SHC4: variants seen among roughly 807,000 people sequenced by gnomAD.
The protein encoded by SHC4 is SHC adaptor protein 4.
In SHC4, 41 loss-of-function variants were observed where a neutral mutation model predicts 69.4. The observed-to-expected ratio is 0.59, with a 90% CI of 0.46 to 0.77. SHC4 has a LOEUF of 0.77. SHC4 is among the 30% of genes least tolerant of loss of function. The pLI, the probability that SHC4 is intolerant of heterozygous loss-of-function variation, is 0.00. For synonymous variants in SHC4, 318 were observed against 299.3 expected (o/e 1.06, Z -0.64); for missense variants, 777 against 783.8 (o/e 0.99, Z 0.10).
chr15:48,918,566 AT>A (rs775214974), intron 2 of SHC4, among the ~76,000 whole-genome samples: 3 of 128,784 alleles, frequency 2.3e-5, no homozygotes, highest in Non-Finnish European at 5.5e-5. Context: ...AATCGTTTCC[AT>A]TTTTTCTTTA....
intron 4 of SHC4, chr15:48,878,335 G>T: frequency 6.2e-7 from 1 of 1,613,642 alleles, no homozygotes; most frequent in Non-Finnish European, 8.5e-7. Context: ...AACAGCTCGA[G>T]GAGGAAGGCC....
intron 1 of SHC4, among the ~76,000 whole-genome samples, chr15:48,957,364 C>G (rs557820475): frequency 6.6e-6 from 1 of 152,310 alleles, no homozygotes; most frequent in Admixed American, 6.5e-5. Context: ...AGAGCCGTTA[C>G]TTCAATGCAC....
intron 4 of SHC4, among the ~76,000 whole-genome samples, chr15:48,875,953 G>C (rs1450958404): frequency 1.3e-5 from 2 of 152,212 alleles, no homozygotes; most frequent in Non-Finnish European, 1.5e-5. Flanking sequence ...GTGCAGCTCT[G>C]TGAGGAGATG....
At chr15:48,826,943 T>A (rs897039878) in intron 11 of SHC4, among the ~76,000 whole-genome samples, 1 of 152,232 alleles carries the variant, frequency 6.6e-6, no homozygotes, top group Non-Finnish European at 1.5e-5. Flanking sequence ...ATTTGTTGCA[T>A]GGAACTTACT....
chr15:48,828,171 CTT>C (rs1299090867), intron 11 of SHC4, among the ~76,000 whole-genome samples: 2 of 151,462 alleles, frequency 1.3e-5, no homozygotes, highest in Non-Finnish European at 2.9e-5. Context: ...GTACTATACA[CTT>C]AACAGATTTT....
At chr15:48,845,687 C>A (rs532158559) in intron 9 of SHC4, among the ~76,000 whole-genome samples, 1 of 152,086 alleles carries the variant, frequency 6.6e-6, no homozygotes, top group Non-Finnish European at 1.5e-5. Flanking sequence ...TTCAAATTAT[C>A]AGGAATTAAG....
chr15:48,962,755 G>T lies in SHC4; in HGVS notation c.261C>A (p.Ile87=), dbSNP rs770586953. The T allele has an allele frequency of 1.9e-6, 3 of 1,613,176 alleles. No homozygotes were observed. The highest frequency in any genetic ancestry group is 1.1e-5 in the South Asian group (1 of 91,078). ...CCAGCTTCATGCTTGCCATGCGGGG[G>T]ATCAAGGTGCACAGTGGGGTGGGGC... is the stretch of plus-strand genomic sequence containing the variant. ...QESPTPLCTL[I]PRMASMKLAN... is the part of the protein sequence containing the mutation. Residue 87 remains isoleucine, a synonymous_variant, in exon 1 of 12, where the codon ATC becomes ATA. Transcript: ENST00000332408.
intron 9 of SHC4, 30 bp from the exon 10 acceptor site, chr15:48,843,618 A>T (rs373616060): frequency 3.8e-6 from 6 of 1,568,280 alleles, no homozygotes; most frequent in East Asian, 2.3e-5. Flanking sequence ...TCAATACATT[A>T]TGTTTTTTCT....
At chr15:48,878,182 G>A in intron 4 of SHC4, 7 of 1,552,890 alleles carry the variant, frequency 4.5e-6, no homozygotes, top group Non-Finnish European at 6.1e-6. Flanking sequence ...GCACAATGTC[G>A]GAAATGGCTG....
At chr15:48,893,543 T>G (rs1431665234) in intron 2 of SHC4, among the ~76,000 whole-genome samples, 1 of 152,180 alleles carries the variant, frequency 6.6e-6, no homozygotes, top group Non-Finnish European at 1.5e-5. Flanking sequence ...GGCCATAGTT[T>G]GTTGACCCCT....
At chr15:48,891,838 T>C (rs1285245497) in intron 2 of SHC4, among the ~76,000 whole-genome samples, 1 of 151,660 alleles carries the variant, frequency 6.6e-6, no homozygotes, top group Non-Finnish European at 1.5e-5. Flanking sequence ...GCAGACCCAT[T>C]TTTGTTTTGT....
At chr15:48,864,276 C>T (rs1045062594) in intron 6 of SHC4, among the ~76,000 whole-genome samples, 1 of 151,978 alleles carries the variant, frequency 6.6e-6, no homozygotes, top group Non-Finnish European at 1.5e-5. Context: ...TCTAAATAGT[C>T]ATCAAGTACT....
At chr15:48,876,074 T>A (rs1433304187) in intron 4 of SHC4, among the ~76,000 whole-genome samples, 1 of 152,192 alleles carries the variant, frequency 6.6e-6, no homozygotes, top group Admixed American at 6.5e-5. Flanking sequence ...GATTTCTTTG[T>A]AGAAAAACAG....
intron 3 of SHC4, among the ~76,000 whole-genome samples, chr15:48,886,161 G>A (rs1308414534): frequency 1.3e-5 from 2 of 152,124 alleles, no homozygotes; most frequent in East Asian, 3.9e-4. Context: ...GGAGGCTGAG[G>A]TAGGAGAATC....
intron 11 of SHC4, 60 bp from the exon 12 acceptor site, chr15:48,826,186 A>G: frequency 6.7e-7 from 1 of 1,493,102 alleles, no homozygotes; most frequent in African/African-American, 1.4e-5. Flanking sequence ...TGAAAGATAT[A>G]AATAATAAGG....
chr15:48,854,004 C>G (rs1420940297), intron 8 of SHC4, among the ~76,000 whole-genome samples: 1 of 152,086 alleles, frequency 6.6e-6, no homozygotes, highest in Non-Finnish European at 1.5e-5. Flanking sequence ...CTTCTAAGCA[C>G]AGCAAAAGAA....
intron 1 of SHC4, among the ~76,000 whole-genome samples, chr15:48,933,947 C>A (rs1189595272): frequency 6.6e-6 from 1 of 152,068 alleles, no homozygotes; most frequent in Non-Finnish European, 1.5e-5. Context: ...AGAATGGTTA[C>A]AAGACCTAAA....
At chr15:48,892,339 T>C (rs1249849186) in intron 2 of SHC4, among the ~76,000 whole-genome samples, 1 of 152,172 alleles carries the variant, frequency 6.6e-6, no homozygotes, top group African/African-American at 2.4e-5. Context: ...CAAGGTATTA[T>C]CTTGTCTGAT....
chr15:48,962,316 C>T (rs755049990), intron 1 of SHC4, 115 bp downstream of exon 1: 3 of 1,100,756 alleles, frequency 2.7e-6, no homozygotes, highest in Admixed American at 3.1e-5. Flanking sequence ...CCAGTTGAAT[C>T]ATGTCCTGTC....
Sources: allele counts gnomAD v4.1 joint callset (sites outside exome capture counted in the v4.1 genomes callset), GRCh38; gene constraint gnomAD v4.1.1; transcripts MANE v1.5; gene names NCBI Gene and HGNC (gene_info 2026-07-23, HGNC 2026-07-21).